The following EPHA6 variants were observed in gnomAD, a reference collection of about 807,000 sequenced individuals.
EPHA6 encodes the protein ephrin type-A receptor 6.
EPHA6 carries 50 observed loss-of-function variants against 112.0 expected under a neutral mutation model. That is an observed-to-expected ratio of 0.45 (90% CI 0.36 to 0.56). EPHA6 has a LOEUF of 0.56. EPHA6 is among the 20% of genes least tolerant of loss of function. EPHA6 has a pLI of 0.00. For synonymous variants in EPHA6, 529 were observed against 490.7 expected (o/e 1.08, Z -1.03); for missense variants, 1,280 against 1,417.4 (o/e 0.90, Z 1.56).
chr3:97,321,948 G>A (rs1219995909), intron 5 of EPHA6, among the ~76,000 whole-genome samples: 2 of 152,074 alleles, frequency 1.3e-5, no homozygotes, highest in Non-Finnish European at 2.9e-5. Context: ...AACTTTAAGT[G>A]CAAGGCACTT....
intron 3 of EPHA6, among the ~76,000 whole-genome samples, chr3:97,018,342 A>G (rs1269054096): frequency 6.6e-6 from 1 of 152,086 alleles, no homozygotes; most frequent in Non-Finnish European, 1.5e-5. Context: ...ACAAAGAGAT[A>G]AAAGGAAAGA....
At chr3:97,462,934 C>T (rs2090936634) in intron 7 of EPHA6, among the ~76,000 whole-genome samples, 2 of 152,100 alleles carry the variant, frequency 1.3e-5, no homozygotes, top group African/African-American at 4.8e-5. Flanking sequence ...TGTGCTGCAG[C>T]TCAGAATGCC....
At chr3:97,630,551 C>T (rs996666302) in intron 13 of EPHA6, among the ~76,000 whole-genome samples, 1 of 152,004 alleles carries the variant, frequency 6.6e-6, no homozygotes. Context: ...AAGTAATCCT[C>T]CAAGGACTGT....
chr3:96,912,246 C>G (rs187371958), intron 2 of EPHA6, among the ~76,000 whole-genome samples: 9 of 152,050 alleles, frequency 5.9e-5, no homozygotes, highest in Admixed American at 2.0e-4. Flanking sequence ...TAAATGTGGT[C>G]GAATTTCAGT....
intron 9 of EPHA6, among the ~76,000 whole-genome samples, chr3:97,480,469 C>T (rs2091499346): frequency 1.3e-5 from 2 of 152,102 alleles, no homozygotes; most frequent in African/African-American, 4.8e-5. Flanking sequence ...ATCTGTTTAA[C>T]AAAGCACATC....
chr3:97,276,818 G>A (rs1340280951), intron 5 of EPHA6, among the ~76,000 whole-genome samples: 6 of 152,138 alleles, frequency 3.9e-5, no homozygotes, highest in Non-Finnish European at 8.8e-5. Context: ...AACACTAACT[G>A]ATTTGGGAGA....
chr3:97,281,903 T>G (rs553412098), intron 5 of EPHA6, among the ~76,000 whole-genome samples: 1 of 152,248 alleles, frequency 6.6e-6, no homozygotes, highest in Non-Finnish European at 1.5e-5. Flanking sequence ...TTTCAATAAT[T>G]TAAACGTTTT....
intron 1 of EPHA6, among the ~76,000 whole-genome samples, chr3:96,838,140 G>T (rs893981239): frequency 4.0e-5 from 6 of 151,332 alleles, no homozygotes; most frequent in South Asian, 2.1e-4. Context: ...ATAAGTGAGA[G>T]CATGCAGTGT....
At chr3:97,688,741 GA>G (rs949723873) in intron 14 of EPHA6, among the ~76,000 whole-genome samples, 6 of 150,192 alleles carry the variant, frequency 4.0e-5, no homozygotes, top group African/African-American at 9.8e-5. Flanking sequence ...AAAAGAACTA[GA>G]AAAAAAAGTA....
At chr3:97,685,609 C>T (rs369422488) in intron 14 of EPHA6, among the ~76,000 whole-genome samples, 1 of 152,136 alleles carries the variant, frequency 6.6e-6, no homozygotes, top group Non-Finnish European at 1.5e-5. Flanking sequence ...TGACAAATAG[C>T]ACACTGACTC....
intron 10 of EPHA6, among the ~76,000 whole-genome samples, chr3:97,518,557 T>C (rs1037848123): frequency 6.6e-6 from 1 of 151,312 alleles, no homozygotes; most frequent in African/African-American, 2.4e-5. Context: ...AGATCCTCCA[T>C]ACTGTTTTCC....
At chr3:97,096,170 C>T (rs1439898089) in intron 3 of EPHA6, among the ~76,000 whole-genome samples, 3 of 151,386 alleles carry the variant, frequency 2.0e-5, no homozygotes, top group Non-Finnish European at 4.4e-5. Flanking sequence ...TTATACGTAT[C>T]CACATATATG....
chr3:97,616,164 G>A (rs567831493), intron 13 of EPHA6, among the ~76,000 whole-genome samples: 1 of 152,188 alleles, frequency 6.6e-6, no homozygotes, highest in African/African-American at 2.4e-5. Flanking sequence ...ATACCTTCAG[G>A]TACTGGAAAA....
chr3:96,940,500 G>T (rs145107341), intron 2 of EPHA6, among the ~76,000 whole-genome samples: 2 of 152,064 alleles, frequency 1.3e-5, no homozygotes, highest in African/African-American at 4.8e-5. Flanking sequence ...TTCTCTGCAC[G>T]TGAGATGGGT....
chr3:97,674,465 T>C lies in EPHA6; in HGVS notation c.2784+36383T>C, dbSNP rs1292760103. 2.0e-5 allele frequency among the ~76,000 whole-genome samples: 3 copies of C among 152,338 alleles called. No homozygotes were observed. In the East Asian group the frequency reaches 5.8e-4, roughly 29 times the overall value. The stretch of plus-strand genomic sequence containing the variant: ...AATAGGACAATTTACCTAATTGTTT[T>C]ATTAATTAATTATACCTATAGTCTG... On this transcript the variant is annotated intron_variant, in intron 14 of 17. Coordinates refer to ENST00000389672, the MANE Select transcript of EPHA6 (RefSeq NM_001080448.3).
At chr3:97,401,952 G>A (rs949657553) in intron 5 of EPHA6, among the ~76,000 whole-genome samples, 2 of 151,602 alleles carry the variant, frequency 1.3e-5, no homozygotes, top group Non-Finnish European at 1.5e-5. Flanking sequence ...TAATTTCCAC[G>A]TGTTTGTGTG....
chr3:96,913,508 C>T (rs375988833), intron 2 of EPHA6, among the ~76,000 whole-genome samples: 1 of 152,198 alleles, frequency 6.6e-6, no homozygotes, highest in Non-Finnish European at 1.5e-5. Flanking sequence ...GAGAAGCTCT[C>T]TAATTTTCTA....
chr3:97,755,865 T>C lies in EPHA6; in HGVS notation c.*7164T>C, dbSNP rs562309571. ...ATCATTTAATTTTTCAAAATCATGA[T>C]AGGGAGAAGAATGCTAATTTGTAAA... On this transcript the variant is annotated 3_prime_UTR_variant, in exon 18 of 18. Coordinates refer to ENST00000389672, the MANE Select transcript of EPHA6 (RefSeq NM_001080448.3). 1.3e-3 allele frequency among the ~76,000 whole-genome samples: 202 copies of C among 152,160 alleles called. 1 individual carries two copies. Among genetic ancestry groups the C allele is most frequent in the African/African-American group, 4.6e-3 (191 of 41,576 alleles).
intron 5 of EPHA6, among the ~76,000 whole-genome samples, chr3:97,329,768 G>T (rs2082686923): frequency 6.6e-6 from 1 of 152,096 alleles, no homozygotes; most frequent in African/African-American, 2.4e-5. Flanking sequence ...TCTGTAGGTT[G>T]CCTGTTCACT....
Sources: gnomAD v4.1 joint callset for allele counts (sites outside exome capture counted in the v4.1 genomes callset) on GRCh38, gnomAD v4.1.1 for gene constraint, MANE v1.5 for transcripts, NCBI Gene and HGNC (gene_info 2026-07-23, HGNC 2026-07-21) for gene names.